The following MYO18B variants were observed in gnomAD, a reference collection of about 807,000 sequenced individuals.
MYO18B encodes the protein unconventional myosin-XVIIIb.
Under a neutral mutation model 273.0 loss-of-function variants are expected in MYO18B, and 204 were observed. That is an observed-to-expected ratio of 0.75 (90% CI 0.67 to 0.84). The LOEUF (loss-of-function observed/expected upper bound fraction) is 0.84. MYO18B is among the 40% of genes least tolerant of loss of function. The pLI, the probability that MYO18B is intolerant of heterozygous loss-of-function variation, is 0.00. For synonymous variants in MYO18B, 1,330 were observed against 1,305.7 expected (o/e 1.02, Z -0.40); for missense variants, 3,212 against 3,287.6 (o/e 0.98, Z 0.56).
At chr22:25,994,732 C>G (rs1933050475) in intron 40 of MYO18B, among the ~76,000 whole-genome samples, 1 of 152,134 alleles carries the variant, frequency 6.6e-6, no homozygotes, top group African/African-American at 2.4e-5. Flanking sequence ...AGTGTCATGG[C>G]AGAACTTAGT....
At chr22:25,854,735 T>G (rs1299361338) in intron 21 of MYO18B, among the ~76,000 whole-genome samples, 9 of 152,248 alleles carry the variant, frequency 5.9e-5, no homozygotes. Flanking sequence ...CTGACTATTC[T>G]AAGTCCATCA....
At position 25,772,354 on chromosome 22, in the gene MYO18B, C is replaced by G; in HGVS notation, c.1713C>G (p.Asp571Glu). Residue 571 changes from aspartate to glutamate, a missense_variant, in exon 7 of 44, where the codon GAC (aspartate) becomes GAG (glutamate). Coordinates refer to ENST00000335473, the MANE Select transcript of MYO18B (RefSeq NM_032608.7). ...CACAGGCCAACCCTCCTGAGCTGGA[C>G]CAGGTCGAGGACCTGGCCTCTCTCA... Reference protein sequence around the residue: ...HVHRANPPELDQVEDLASLIS... With the variant: ...HVHRANPPELEQVEDLASLIS... 2.5e-6 allele frequency: 4 copies of G among 1,613,820 alleles called. No individual in the cohort carries two copies. Among genetic ancestry groups the G allele is most frequent in the Non-Finnish European group, 3.4e-6 (4 of 1,179,822 alleles).
chr22:25,868,395 G>A lies in MYO18B; in HGVS notation c.3951+10G>A, dbSNP rs558764106. 10 of 1,585,692 alleles carry A rather than the reference G, an allele frequency of 6.3e-6. No homozygotes were observed. The East Asian group carries it at 2.1e-4, about 33-fold the overall frequency. On this transcript the variant is annotated intron_variant, in intron 22 of 43. Transcript: ENST00000335473. ...TGTGGGGCACAGCCAAGTGAGTAGA[G>A]CTGCTTTCTTACAACATTCGCCCAT...
At position 25,931,764 on chromosome 22, in the gene MYO18B, C is replaced by T. The variant is rs144459454; in HGVS notation, c.5517+10355C>T. Among the ~76,000 whole-genome samples, 1,232 of 148,932 alleles carry T rather than the reference C, an allele frequency of 8.3e-3. 9 individuals are homozygous for T. The highest frequency in any genetic ancestry group is 0.012 in the Non-Finnish European group (797 of 67,564). On this transcript the variant is annotated intron_variant, in intron 34 of 43. Transcript: ENST00000335473. ...GTGGCTCAATCATGGCTCACTGCAGCCTCAACATTTCAGGCTCAAGCAATC... is the reference window on the plus strand; with the variant it reads ...GTGGCTCAATCATGGCTCACTGCAGTCTCAACATTTCAGGCTCAAGCAATC...
At chr22:25,827,026 C>CA (rs1449950673) in intron 14 of MYO18B, among the ~76,000 whole-genome samples, 1 of 152,200 alleles carries the variant, frequency 6.6e-6, no homozygotes, top group African/African-American at 2.4e-5. Context: ...CGCGCCACCA[C>CA]ACTCTAGCCT....
At chr22:25,923,266 T>G (rs79763213) in intron 34 of MYO18B, among the ~76,000 whole-genome samples, 118 of 152,296 alleles carry the variant, frequency 7.7e-4, no homozygotes, top group African/African-American at 2.7e-3. Context: ...ATCAAATCAT[T>G]CTCTTCTAGG....
intron 39 of MYO18B, among the ~76,000 whole-genome samples, chr22:25,990,477 G>T (rs940442746): frequency 2.0e-5 from 3 of 152,014 alleles, no homozygotes. Context: ...CTTGAGGTCA[G>T]GAATTCGAGA....
At chr22:26,048,699 A>T in the MYO18B span, among the ~76,000 whole-genome samples, 39 of 146,102 alleles carry the variant, frequency 2.7e-4, no homozygotes, top group Non-Finnish European at 4.1e-4. Context: ...TCTCATTATT[A>T]AAAAAAAACA....
chr22:25,802,300 A>G (rs1045457874), intron 12 of MYO18B, among the ~76,000 whole-genome samples: 4 of 152,192 alleles, frequency 2.6e-5, no homozygotes, highest in African/African-American at 9.7e-5. Context: ...CTCTCTAGGC[A>G]TGACAGCCGA....
At chr22:25,876,566 C>G (rs769390288) in intron 24 of MYO18B, among the ~76,000 whole-genome samples, 2 of 152,144 alleles carry the variant, frequency 1.3e-5, no homozygotes, top group Non-Finnish European at 2.9e-5. Flanking sequence ...CTATTACCAC[C>G]CTGGGGGTTC....
the MYO18B span, among the ~76,000 whole-genome samples, chr22:26,050,118 C>G: frequency 6.6e-6 from 1 of 152,114 alleles, no homozygotes; most frequent in Non-Finnish European, 1.5e-5. Flanking sequence ...TGAACATTAC[C>G]CATCAGGCTG....
intron 7 of MYO18B, among the ~76,000 whole-genome samples, chr22:25,773,864 C>T (rs1259445006): frequency 6.6e-6 from 1 of 152,142 alleles, no homozygotes; most frequent in African/African-American, 2.4e-5. Context: ...CATGCTGTGA[C>T]TTAGGTTGTA....
intron 40 of MYO18B, 89 bp from the exon 41 acceptor site, chr22:26,003,176 C>G (rs1042188953): frequency 3.3e-6 from 4 of 1,205,326 alleles, no homozygotes; most frequent in Non-Finnish European, 4.8e-6. Context: ...AAGTGGGATT[C>G]ACACTCATGT....
chr22:25,996,081 T>C (rs908662286), intron 40 of MYO18B, among the ~76,000 whole-genome samples: 1 of 152,218 alleles, frequency 6.6e-6, no homozygotes. Context: ...TGAGAGGGAA[T>C]AGGCTTTGCA....
At chr22:25,743,070 G>T (rs1321635065) in intron 1 of MYO18B, among the ~76,000 whole-genome samples, 1 of 152,260 alleles carries the variant, frequency 6.6e-6, no homozygotes, top group African/African-American at 2.4e-5. Context: ...CATGGAGGAG[G>T]CCAGGAGTGG....
intron 1 of MYO18B, among the ~76,000 whole-genome samples, chr22:25,754,518 C>G (rs1568968903): frequency 6.6e-6 from 1 of 152,184 alleles, no homozygotes; most frequent in African/African-American, 2.4e-5. Flanking sequence ...ACGCGGAAAA[C>G]AGTTTCAAGT....
intron 39 of MYO18B, among the ~76,000 whole-genome samples, chr22:25,955,836 A>G (rs2092845224): frequency 6.6e-6 from 1 of 152,166 alleles, no homozygotes; most frequent in Non-Finnish European, 1.5e-5. Flanking sequence ...AGAAGGGGAG[A>G]TGACTAGTCT....
chr22:25,745,881 G>A (rs1601577606), intron 1 of MYO18B, among the ~76,000 whole-genome samples: 2 of 152,198 alleles, frequency 1.3e-5, no homozygotes, highest in Non-Finnish European at 2.9e-5. Flanking sequence ...CTGTTGCGTT[G>A]AGGTAGAGAT....
intron 23 of MYO18B, 147 bp from the exon 24 acceptor site, chr22:25,876,042 G>GTGTGTGTT (rs2091185513): frequency 2.2e-6 from 1 of 445,738 alleles, no homozygotes; most frequent in African/African-American, 3.3e-5. Context: ...GTGTGTGTGT[G>GTGTGTGTT]TGTATGTGTT....
Sources: allele counts gnomAD v4.1 joint callset (sites outside exome capture counted in the v4.1 genomes callset), GRCh38; gene constraint gnomAD v4.1.1; transcripts MANE v1.5; gene names NCBI Gene and HGNC (gene_info 2026-07-23, HGNC 2026-07-21).